Variants in FLRT1 observed in about 807,000 individuals in gnomAD.
FLRT1 encodes the protein fibronectin leucine rich transmembrane protein 1, also known as leucine-rich repeat transmembrane protein FLRT1.
In FLRT1, 14 loss-of-function variants were observed where a neutral mutation model predicts 30.9. That is an observed-to-expected ratio of 0.45 (90% confidence interval 0.30 to 0.71). The LOEUF (loss-of-function observed/expected upper bound fraction) is 0.71, where lower values mean the gene tolerates loss of function less well. FLRT1 is among the 30% of genes least tolerant of loss of function. The pLI, the probability that FLRT1 is intolerant of heterozygous loss-of-function variation, is 0.08. For synonymous variants in FLRT1, 368 were observed against 430.4 expected (o/e 0.85, Z 1.80); for missense variants, 737 against 949.2 (o/e 0.78, Z 2.94).
At chr11:64,052,253 T>G (rs1382555832) in intron 1 of FLRT1, among the ~76,000 whole-genome samples, 1 of 151,512 alleles carries the variant, frequency 6.6e-6, no homozygotes, top group African/African-American at 2.4e-5. Flanking sequence ...ATTGTCGGGG[T>G]GGGGGAAAAA....
chr11:64,097,705 G>A lies in FLRT1; in HGVS notation c.-1037-5489G>A, dbSNP rs563380091. Reference sequence around the variant, plus strand: ...CCGCCTCTTCTCACCCTGCTACTCGGGTGCCATGCAGCGGTGCCAAGCCTG... The same window carrying A: ...CCGCCTCTTCTCACCCTGCTACTCGAGTGCCATGCAGCGGTGCCAAGCCTG... On this transcript the variant is annotated intron_variant, in intron 1 of 2. Coordinates refer to ENST00000682287, the MANE Select transcript of FLRT1 (RefSeq NM_013280.5). Among the ~76,000 whole-genome samples the A allele has an allele frequency of 2.6e-5, 4 of 152,376 alleles. No individual in the cohort carries two copies. The Middle Eastern group carries it at 0.01, about 389-fold the overall frequency.
intron 1 of FLRT1, among the ~76,000 whole-genome samples, chr11:64,045,043 G>C (rs1943557873): frequency 6.6e-6 from 1 of 152,236 alleles, no homozygotes; most frequent in African/African-American, 2.4e-5. Flanking sequence ...GAACAGCCTT[G>C]GCAGAGGCAT....
intron 1 of FLRT1, among the ~76,000 whole-genome samples, chr11:64,065,130 C>T (rs769141493): frequency 1.3e-5 from 2 of 152,310 alleles, no homozygotes; most frequent in African/African-American, 4.8e-5. Flanking sequence ...ACGGGCTACA[C>T]GTGGGCCTGG....
rs1476563460 is a variant in FLRT1 at position 64,036,118 on chromosome 11, CAA to C, written c.-1077_-1076del. 4.6e-5 allele frequency: 7 copies of C among 152,044 alleles called. No homozygotes were observed. The highest frequency in any genetic ancestry group is 1.2e-4 in the African/African-American group (5 of 41,498). The allele number at this position is 152,044 out of a possible 1,614,324, so 9.4% of individuals were successfully genotyped here. A position where few individuals can be genotyped will look rare whatever the true frequency, so the allele number is the denominator to read the frequency against. On this transcript the variant is annotated 5_prime_UTR_variant, in exon 1 of 3. Transcript: ENST00000682287. The surrounding 1 kb of genome is among the most constrained non-coding windows in gnomAD (Gnocchi z 5.6). ...ACCCCTGAGGCTCCAGCCGTCACCG[CAA>C]AGTTTCCCGAGGAGACCCGCCTCCC...
rs868108068 is a variant in FLRT1, at chr11:64,054,575, G to C, written c.-1038+18416G>C. On this transcript the variant is annotated intron_variant, in intron 1 of 2. Coordinates refer to ENST00000682287, the MANE Select transcript of FLRT1 (RefSeq NM_013280.5). ...GTGGCAGCCAGCCAGCAGGCCCCAG[G>C]CTGGTCCATCTACCAGGGCAAGCCA... 3.9e-5 allele frequency among the ~76,000 whole-genome samples: 6 copies of C among 152,258 alleles called. No individual in the cohort carries two copies. In the South Asian group the frequency reaches 1.2e-3, roughly 32 times the overall value.
At chr11:64,114,478 G>A (rs1327284883) in intron 2 of FLRT1, among the ~76,000 whole-genome samples, 1 of 127,244 alleles carries the variant, frequency 7.9e-6, no homozygotes, top group Admixed American at 8.0e-5. Context: ...GATGGATGGA[G>A]GGATGGTTGA....
intron 1 of FLRT1, among the ~76,000 whole-genome samples, chr11:64,092,384 G>A (rs1687036237): frequency 6.6e-6 from 1 of 152,232 alleles, no homozygotes; most frequent in African/African-American, 2.4e-5. Context: ...CCTGGCAGGG[G>A]TCCTGGGGTG....
intron 1 of FLRT1, among the ~76,000 whole-genome samples, chr11:64,053,202 G>T (rs1332356036): frequency 1.3e-5 from 2 of 152,172 alleles, no homozygotes; most frequent in Non-Finnish European, 2.9e-5. Flanking sequence ...GGCGTGCTGG[G>T]GAGCAGGGTG....
At chr11:64,085,677 C>T (rs976987635) in intron 1 of FLRT1, among the ~76,000 whole-genome samples, 6 of 152,172 alleles carry the variant, frequency 3.9e-5, no homozygotes, top group African/African-American at 1.2e-4. Flanking sequence ...GGAAGTGGGA[C>T]GGTCACCCAC....
chr11:64,083,357 AC>A (rs1346109422), intron 1 of FLRT1, among the ~76,000 whole-genome samples: 1 of 152,056 alleles, frequency 6.6e-6, no homozygotes, highest in Non-Finnish European at 1.5e-5. Context: ...AATCTCTTGA[AC>A]CCAGGAAGTG....
Position 64,117,573 on chromosome 11 carries a change from G to A in FLRT1, c.1306G>A (p.Ala436Thr), listed in dbSNP as rs767473569. The A allele has an allele frequency of 4.7e-5, 75 of 1,609,918 alleles. 1 individual carries two copies. The highest frequency in any genetic ancestry group is 4.1e-5 in the Non-Finnish European group (48 of 1,177,742). The change falls in exon 3 of 3, where the codon GCC becomes ACC. Residue 436 changes from alanine (A) to threonine (T), a missense_variant. Coordinates refer to ENST00000682287, the MANE Select transcript of FLRT1 (RefSeq NM_013280.5). ...IDYPMATGDGAKTLAIHVKAL... is the reference protein window; with the variant it reads ...IDYPMATGDGTKTLAIHVKAL... ...CTACCCCATGGCCACGGGTGATGGC[G>A]CCAAGACCCTGGCCATCCACGTGAA...
intron 2 of FLRT1, among the ~76,000 whole-genome samples, chr11:64,105,781 C>T (rs916693005): frequency 3.9e-5 from 6 of 152,156 alleles, no homozygotes; most frequent in African/African-American, 7.2e-5. Flanking sequence ...TACAGTTGGG[C>T]GCCAAGGCCC....
intron 1 of FLRT1, among the ~76,000 whole-genome samples, chr11:64,065,589 A>G (rs1281260407): frequency 6.6e-6 from 1 of 151,582 alleles, no homozygotes; most frequent in Non-Finnish European, 1.5e-5. Flanking sequence ...GGAGATCAAG[A>G]CCATCCTGGC....
intron 1 of FLRT1, among the ~76,000 whole-genome samples, chr11:64,066,076 C>T (rs1944000109): frequency 6.6e-6 from 1 of 151,864 alleles, no homozygotes; most frequent in African/African-American, 2.4e-5. Context: ...GTGGGCGGAT[C>T]ACCTGAGGTC....
chr11:64,041,223 A>AAAAAAAAAAAAAAAAT (rs1943479930), intron 1 of FLRT1, among the ~76,000 whole-genome samples: 1 of 149,568 alleles, frequency 6.7e-6, no homozygotes, highest in African/African-American at 2.5e-5. Context: ...AAAAAAAAAA[A>AAAAAAAAAAAAAAAAT]AAAAAAGCAT....
chr11:64,091,473 C>T (rs564018080), intron 1 of FLRT1, among the ~76,000 whole-genome samples: 2 of 102,512 alleles, frequency 2.0e-5, no homozygotes, highest in African/African-American at 7.9e-5. Context: ...ATGTGGGGGA[C>T]GAGCCTACAG....
intron 1 of FLRT1, among the ~76,000 whole-genome samples, chr11:64,077,710 A>G (rs1298573788): frequency 6.6e-6 from 1 of 152,136 alleles, no homozygotes; most frequent in Non-Finnish European, 1.5e-5. Flanking sequence ...TCAGCATTCA[A>G]ACAGGTCTCA....
chr11:64,111,144 C>T (rs1263546413), intron 2 of FLRT1, among the ~76,000 whole-genome samples: 3 of 152,200 alleles, frequency 2.0e-5, no homozygotes, highest in East Asian at 3.9e-4. Flanking sequence ...ATGAGCTGAG[C>T]GGGCGCTGGG....
intron 2 of FLRT1, among the ~76,000 whole-genome samples, chr11:64,106,275 G>A (rs1309225194): frequency 6.6e-6 from 1 of 152,180 alleles, no homozygotes; most frequent in Non-Finnish European, 1.5e-5. Context: ...GCTGTGGTGA[G>A]GGCACCCTGG....
Sources: gnomAD v4.1 joint callset for allele counts (sites outside exome capture counted in the v4.1 genomes callset) on GRCh38, gnomAD v4.1.1 for gene constraint, Gnocchi (gnomAD v3.1) non-coding constraint, MANE v1.5 for transcripts, NCBI Gene and HGNC (gene_info 2026-07-23, HGNC 2026-07-21) for gene names.